APBB2: variants seen among roughly 807,000 people sequenced by gnomAD.
The protein encoded by APBB2 is amyloid beta precursor protein binding family B member 2.
APBB2 carries 38 observed loss-of-function variants against 82.5 expected under a neutral mutation model. That is an observed-to-expected ratio of 0.46 (90% CI 0.36 to 0.60). The LOEUF is 0.60. Among genes scored for constraint, APBB2 ranks in the 20% least tolerant of loss-of-function variants. The pLI, the probability that APBB2 is intolerant of heterozygous loss-of-function variation, is 0.00. For missense variants in APBB2, 772 were observed against 972.3 expected (o/e 0.79, Z 2.74); for synonymous variants, 341 against 368.2 (o/e 0.93, Z 0.85).
At chr4:41,122,860 G>A (rs774545267) in intron 2 of APBB2, among the ~76,000 whole-genome samples, 3 of 152,032 alleles carry the variant, frequency 2.0e-5, no homozygotes, top group South Asian at 2.1e-4. Context: ...CATGCCCTCC[G>A]AAACCTGTCC....
chr4:41,131,958 T>C (rs1756122910), intron 2 of APBB2, among the ~76,000 whole-genome samples: 2 of 151,922 alleles, frequency 1.3e-5, no homozygotes, highest in African/African-American at 4.8e-5. Context: ...GAGAATCACT[T>C]GAACCCAGGA....
At position 40,812,610 on chromosome 4, in the gene APBB2, T is replaced by C. The variant is rs1744632385; in HGVS notation, c.*3482A>G. 2.7e-5 allele frequency: 2 copies of C among 74,500 alleles called. No homozygotes were observed. The highest frequency in any genetic ancestry group is 1.2e-4 in the African/African-American group (2 of 17,318). The allele number at this position is 74,500 out of a possible 1,614,324, so 4.6% of individuals were successfully genotyped here. A position where few individuals can be genotyped will look rare whatever the true frequency, so the allele number is the denominator to read the frequency against. On this transcript the variant is annotated 3_prime_UTR_variant, in exon 18 of 18. Transcript: ENST00000508593. ...ATCAGTTAGGAAAATGCTTGTCATG[T>C]TGTGGTGAAATCTTGAGGAGTTTGT...
intron 2 of APBB2, among the ~76,000 whole-genome samples, chr4:41,128,598 C>T (rs1755081544): frequency 6.6e-6 from 1 of 152,210 alleles, no homozygotes; most frequent in African/African-American, 2.4e-5. Flanking sequence ...CCTCCAAATT[C>T]AACTACGTTA....
At chr4:40,821,812 G>A in intron 17 of APBB2, 59 bp downstream of exon 17, 1 of 1,572,310 alleles carries the variant, frequency 6.4e-7, no homozygotes, top group Non-Finnish European at 8.7e-7. Context: ...TATAATGTAT[G>A]GCATATTAGA....
At chr4:40,860,754 C>T (rs1452372112) in intron 12 of APBB2, among the ~76,000 whole-genome samples, 1 of 152,162 alleles carries the variant, frequency 6.6e-6, no homozygotes, top group Non-Finnish European at 1.5e-5. Flanking sequence ...AATACATCCA[C>T]TATTGATTAA....
At chr4:40,954,914 G>C (rs1324140894) in intron 6 of APBB2, among the ~76,000 whole-genome samples, 4 of 152,172 alleles carry the variant, frequency 2.6e-5, no homozygotes, top group Non-Finnish European at 5.9e-5. Context: ...GCCTCCCTAA[G>C]TACTGAGATT....
chr4:40,852,294 G>A lies in APBB2; in HGVS notation c.1530-21717C>T, dbSNP rs529792014. Among the ~76,000 whole-genome samples the A allele has an allele frequency of 3.3e-5, 5 of 151,004 alleles. No homozygotes were observed. In the East Asian group the frequency reaches 9.7e-4, roughly 29 times the overall value. On this transcript the variant is annotated intron_variant, in intron 12 of 17. Coordinates refer to ENST00000508593, the MANE Select transcript of APBB2 (RefSeq NM_004307.2). ...TGAACCCGGGAGGCGAAGGCTGCAGGGGGCCGAGATCGTGACACTGCACTC... is the reference window on the plus strand; with the variant it reads ...TGAACCCGGGAGGCGAAGGCTGCAGAGGGCCGAGATCGTGACACTGCACTC...
chr4:40,992,702 C>T (rs570671340), intron 6 of APBB2, among the ~76,000 whole-genome samples: 18 of 152,220 alleles, frequency 1.2e-4, no homozygotes, highest in African/African-American at 3.9e-4. Flanking sequence ...AGCCAGCGAG[C>T]AGGAGTATCA....
intron 17 of APBB2, among the ~76,000 whole-genome samples, chr4:40,816,914 G>A (rs563995261): frequency 1.7e-4 from 26 of 152,118 alleles, no homozygotes; most frequent in Middle Eastern, 3.4e-3. Flanking sequence ...CAAGATACAT[G>A]GTACATACAA....
At chr4:41,191,678 A>T (rs1774486410) in intron 1 of APBB2, among the ~76,000 whole-genome samples, 1 of 152,246 alleles carries the variant, frequency 6.6e-6, no homozygotes, top group Non-Finnish European at 1.5e-5. Context: ...CCAGAAGAGA[A>T]CATAAGGGAA....
At chr4:41,185,466 T>G (rs1357936829) in intron 1 of APBB2, among the ~76,000 whole-genome samples, 1 of 152,228 alleles carries the variant, frequency 6.6e-6, no homozygotes, top group Admixed American at 6.5e-5. Flanking sequence ...ATATGCTGTA[T>G]AGTAACTGTT....
intron 12 of APBB2, chr4:40,881,224 A>G (rs1466312678): frequency 9.1e-6 from 9 of 985,296 alleles, no homozygotes; most frequent in Non-Finnish European, 1.1e-5. Context: ...ACTATAGTGT[A>G]GGGAGAGAAT....
chr4:41,212,748 C>A (rs2154083770), intron 1 of APBB2, among the ~76,000 whole-genome samples: 1 of 152,216 alleles, frequency 6.6e-6, no homozygotes, highest in Non-Finnish European at 1.5e-5. Flanking sequence ...TACTTGTACC[C>A]CACCACCTTC....
At chr4:41,055,919 G>A (rs1000088486) in intron 4 of APBB2, among the ~76,000 whole-genome samples, 1 of 152,296 alleles carries the variant, frequency 6.6e-6, no homozygotes, top group Non-Finnish European at 1.5e-5. Flanking sequence ...CTGGCTGGGC[G>A]CAGTGGCTCA....
Position 41,087,836 on chromosome 4 carries a change from C to T in APBB2, c.-149+12803G>A, listed in dbSNP as rs182296096. ...GGAGACTTGTTGAGCTTATCATAATCATCAGAAAACAATTCTGCCATTGTA... is the reference window on the plus strand; with the variant it reads ...GGAGACTTGTTGAGCTTATCATAATTATCAGAAAACAATTCTGCCATTGTA... On this transcript the variant is annotated intron_variant, in intron 3 of 17. Transcript: ENST00000508593. Among the ~76,000 whole-genome samples, 141 of 152,302 alleles carry T rather than the reference C, an allele frequency of 9.3e-4. 1 individual carries two copies. In the South Asian group the frequency reaches 9.7e-3, roughly 11 times the overall value.
chr4:40,829,794 G>C (rs1751243992), intron 13 of APBB2, among the ~76,000 whole-genome samples: 1 of 152,096 alleles, frequency 6.6e-6, no homozygotes, highest in South Asian at 2.1e-4. Flanking sequence ...TGTGACTCTG[G>C]TTAAGGAAGT....
At chr4:41,163,131 C>A (rs1676933403) in intron 1 of APBB2, among the ~76,000 whole-genome samples, 1 of 152,142 alleles carries the variant, frequency 6.6e-6, no homozygotes, top group Middle Eastern at 3.2e-3. Context: ...GAGCAACATG[C>A]AATGTGACAT....
At position 41,013,850 on chromosome 4, in the gene APBB2, A is replaced by T. The variant is rs779659663; in HGVS notation, c.568T>A (p.Ser190Thr). 1 of 1,613,818 alleles carries T rather than the reference A, an allele frequency of 6.2e-7. No individual in the cohort carries two copies. The highest frequency in any genetic ancestry group is 1.1e-5 in the South Asian group (1 of 91,076). Residue 190 changes from serine to threonine, a missense_variant, in exon 6 of 18, where the codon TCC becomes ACC. Ser to Thr is a moderately conservative substitution (Grantham distance 58). Coordinates refer to ENST00000508593, the MANE Select transcript of APBB2 (RefSeq NM_004307.2). ...GAGGCCTGGCCCTGGACTGGCTGGG[A>T]TTTCTCTTCCGCAGTCCCATGGTGA... is the stretch of plus-strand genomic sequence containing the variant. ...GNHHGTAEEK[S>T]QPVQGQASTI...
intron 12 of APBB2, among the ~76,000 whole-genome samples, chr4:40,834,787 G>A (rs370732085): frequency 3.5e-4 from 53 of 152,224 alleles, no homozygotes; most frequent in East Asian, 1.9e-3. Flanking sequence ...GATTCTCCCC[G>A]AGAGCCCCTG....
Sources: gnomAD v4.1 joint callset for allele counts (sites outside exome capture counted in the v4.1 genomes callset) on GRCh38, gnomAD v4.1.1 for gene constraint, MANE v1.5 for transcripts, NCBI Gene and HGNC (gene_info 2026-07-23, HGNC 2026-07-21) for gene names.